Variants in ASTN2 observed in about 807,000 individuals in gnomAD.
ASTN2 encodes astrotactin 2, also known as astrotactin-2.
ASTN2 carries 54 observed loss-of-function variants against 139.8 expected under a neutral mutation model. The ratio of observed to expected loss-of-function variants is 0.39; its 90% CI spans 0.31 to 0.48. The LOEUF (loss-of-function observed/expected upper bound fraction) is 0.48, where lower values mean the gene tolerates loss of function less well. ASTN2 is among the 20% of genes least tolerant of loss of function. The probability of loss-of-function intolerance (pLI) is 0.95; values close to 1 mark genes in which losing one functional copy is unlikely to be tolerated. For missense variants in ASTN2, 1,565 were observed against 1,725.1 expected (o/e 0.91, Z 1.64); for synonymous variants, 756 against 719.5 (o/e 1.05, Z -0.81).
At chr9:117,147,638 T>G (rs1311866359) in intron 3 of ASTN2, among the ~76,000 whole-genome samples, 2 of 152,334 alleles carry the variant, frequency 1.3e-5, no homozygotes, top group East Asian at 3.9e-4. Flanking sequence ...ACCAACTTTT[T>G]GCTAGGTAGG....
intron 19 of ASTN2, among the ~76,000 whole-genome samples, chr9:116,531,973 G>A (rs926179776): frequency 1.3e-5 from 2 of 152,138 alleles, no homozygotes; most frequent in South Asian, 4.1e-4. Flanking sequence ...CTAGTTTACT[G>A]TCCCACCAAC....
intron 3 of ASTN2, among the ~76,000 whole-genome samples, chr9:117,191,227 CA>C (rs35328157): frequency 0.042 from 2,638 of 62,448 alleles, 61 homozygotes; most frequent in African/African-American, 0.12. Context: ...TACAAAATAG[CA>C]AAAAAAAAAA....
intron 5 of ASTN2, among the ~76,000 whole-genome samples, chr9:117,074,754 GTA>G (rs1345314636): frequency 6.6e-6 from 1 of 152,048 alleles, no homozygotes; most frequent in Non-Finnish European, 1.5e-5. Flanking sequence ...AACTATCTAC[GTA>G]TCTATCTATA....
At chr9:117,079,413 C>G (rs1013920361) in intron 5 of ASTN2, among the ~76,000 whole-genome samples, 1 of 152,002 alleles carries the variant, frequency 6.6e-6, no homozygotes, top group Non-Finnish European at 1.5e-5. Context: ...CCAGTCTCCA[C>G]CTAAACCTAT....
intron 20 of ASTN2, among the ~76,000 whole-genome samples, chr9:116,475,532 G>A (rs1374745659): frequency 6.6e-6 from 1 of 152,146 alleles, no homozygotes; most frequent in Non-Finnish European, 1.5e-5. Flanking sequence ...CTGCTCTCTG[G>A]AGTCACAGTG....
At chr9:116,602,989 G>A (rs1255946925) in intron 19 of ASTN2, among the ~76,000 whole-genome samples, 1 of 152,158 alleles carries the variant, frequency 6.6e-6, no homozygotes, top group Non-Finnish European at 1.5e-5. Context: ...TTGAATGGAA[G>A]CATGAAGAGT....
At chr9:117,229,347 T>C (rs1417816548) in intron 2 of ASTN2, among the ~76,000 whole-genome samples, 1 of 152,180 alleles carries the variant, frequency 6.6e-6, no homozygotes, top group African/African-American at 2.4e-5. Context: ...GATCTCCAAG[T>C]CCTGCTCCCC....
At chr9:117,185,148 T>C (rs1200172745) in intron 3 of ASTN2, among the ~76,000 whole-genome samples, 1 of 152,216 alleles carries the variant, frequency 6.6e-6, no homozygotes, top group Non-Finnish European at 1.5e-5. Context: ...TATAGACTAG[T>C]GTGTCTATAA....
chr9:116,782,607 G>C (rs1431255115), intron 13 of ASTN2, among the ~76,000 whole-genome samples: 1 of 152,308 alleles, frequency 6.6e-6, no homozygotes, highest in East Asian at 1.9e-4. Context: ...ATGAATGAAG[G>C]CTGGGAAAGA....
In ASTN2 at chr9:116,620,302, A is replaced by G. The variant is rs1856068931; in HGVS notation, c.3206+8T>C. 1.9e-6 allele frequency: 3 copies of G among 1,614,146 alleles called. No homozygotes were observed. Among genetic ancestry groups the G allele is most frequent in the African/African-American group, 1.3e-5 (1 of 75,030 alleles). Reference sequence around the variant, plus strand: ...ATGGCCAAAGGAAAAGGGGCCATACATACGTACACCGGCTGCAGAAGGGGG... The same window carrying G: ...ATGGCCAAAGGAAAAGGGGCCATACGTACGTACACCGGCTGCAGAAGGGGG... On this transcript the variant is annotated splice_region_variant and intron_variant, in intron 18 of 22. Coordinates refer to ENST00000313400, the MANE Select transcript of ASTN2 (RefSeq NM_001365068.1).
chr9:116,461,327 C>A (rs1283639861), intron 20 of ASTN2, among the ~76,000 whole-genome samples: 9 of 151,958 alleles, frequency 5.9e-5, no homozygotes, highest in African/African-American at 1.4e-4. Flanking sequence ...ATCCCCAGTG[C>A]CAAAAATTGT....
chr9:117,047,614 G>A (rs954953407), intron 5 of ASTN2, among the ~76,000 whole-genome samples: 10 of 152,098 alleles, frequency 6.6e-5, no homozygotes, highest in African/African-American at 2.4e-4. Context: ...CTCACTCTAT[G>A]AGTGAACTTC....
chr9:116,570,349 C>G (rs928706487), intron 19 of ASTN2, among the ~76,000 whole-genome samples: 2 of 151,930 alleles, frequency 1.3e-5, no homozygotes, highest in Non-Finnish European at 2.9e-5. Context: ...TTTTATATCT[C>G]TATCACCTAT....
intron 16 of ASTN2, among the ~76,000 whole-genome samples, chr9:116,712,377 T>C (rs1030016223): frequency 6.6e-6 from 1 of 152,212 alleles, no homozygotes; most frequent in Non-Finnish European, 1.5e-5. Context: ...TCATTAAATA[T>C]CTTTTTCCAA....
chr9:116,879,171 C>T (rs1833383889), intron 10 of ASTN2, among the ~76,000 whole-genome samples: 1 of 152,130 alleles, frequency 6.6e-6, no homozygotes, highest in Admixed American at 6.5e-5. Flanking sequence ...TGACCCTCCA[C>T]CCTCTATGGG....
intron 12 of ASTN2, among the ~76,000 whole-genome samples, chr9:116,815,676 G>T (rs1683004967): frequency 6.6e-6 from 1 of 151,202 alleles, no homozygotes; most frequent in Admixed American, 6.6e-5. Flanking sequence ...GCGGTGGTGG[G>T]CACCTGTAGT....
rs1187933617 is a variant in ASTN2, at chr9:116,838,109, T to TG, written c.2041-17327_2041-17326insC. On this transcript the variant is annotated intron_variant, in intron 11 of 22. Coordinates refer to ENST00000313400, the MANE Select transcript of ASTN2 (RefSeq NM_001365068.1). ...CAGTTCTGCCTGGCTGTGTTTTTTTTTGTTTTGTTTTGTTTTTTGAGACAG... is the reference window on the plus strand; with the variant it reads ...CAGTTCTGCCTGGCTGTGTTTTTTTTGTGTTTTGTTTTGTTTTTTGAGACAG... 3.2e-4 allele frequency among the ~76,000 whole-genome samples: 44 copies of TG among 136,712 alleles called. 4 individuals are homozygous for TG. In the East Asian group the frequency reaches 9.8e-3, roughly 30 times the overall value. The allele number at this position is 136,712 out of a possible 152,430, so 89.7% of individuals were successfully genotyped here.
chr9:116,588,241 T>A (rs1201941212), intron 19 of ASTN2, among the ~76,000 whole-genome samples: 1 of 152,234 alleles, frequency 6.6e-6, no homozygotes, highest in African/African-American at 2.4e-5. Context: ...AAGAACTTAA[T>A]GCCCAATATT....
intron 16 of ASTN2, among the ~76,000 whole-genome samples, chr9:116,718,711 T>C (rs1305113149): frequency 6.6e-6 from 1 of 151,920 alleles, no homozygotes; most frequent in Non-Finnish European, 1.5e-5. Context: ...CATTGGTTTT[T>C]TCCTGCCTCT....
Sources: gnomAD v4.1 joint callset for allele counts (sites outside exome capture counted in the v4.1 genomes callset) on GRCh38, gnomAD v4.1.1 for gene constraint, MANE v1.5 for transcripts, NCBI Gene and HGNC (gene_info 2026-07-23, HGNC 2026-07-21) for gene names.